CSRP3: variants seen among roughly 807,000 people sequenced by gnomAD.
CSRP3 encodes the protein cysteine and glycine rich protein 3.
CSRP3 carries 24 observed loss-of-function variants against 24.3 expected under a neutral mutation model. The observed-to-expected ratio is 0.99, with a 90% CI of 0.71 to 1.39. The LOEUF is 1.39. Among genes scored for constraint, CSRP3 ranks in the 40% most tolerant of loss-of-function variants. The pLI is 0.00. For synonymous variants in CSRP3, 105 were observed against 94.0 expected (o/e 1.12, Z -0.68); for missense variants, 240 against 249.0 (o/e 0.96, Z 0.24).
chr11:19,183,449 A>G (rs1164857416), intron 5 of CSRP3, among the ~76,000 whole-genome samples: 1 of 152,030 alleles, frequency 6.6e-6, no homozygotes, highest in Non-Finnish European at 1.5e-5. Flanking sequence ...TCTTCCTGGA[A>G]TGCCCCCTCC....
intron 4 of CSRP3, among the ~76,000 whole-genome samples, chr11:19,185,347 G>T (rs1380878928): frequency 6.6e-6 from 1 of 152,230 alleles, no homozygotes; most frequent in African/African-American, 2.4e-5. Context: ...GGTCAGAGAA[G>T]GACTTGGGCT....
chr11:19,183,048 C>T (rs1004291451), intron 5 of CSRP3, among the ~76,000 whole-genome samples: 6 of 151,990 alleles, frequency 3.9e-5, no homozygotes, highest in Admixed American at 6.6e-5. Flanking sequence ...ATCCCAGCTA[C>T]TGGGGAGGCT....
At chr11:19,197,501 C>CTT (rs1554968682) in intron 1 of CSRP3, among the ~76,000 whole-genome samples, 6 of 67,068 alleles carry the variant, frequency 8.9e-5, no homozygotes, top group African/African-American at 1.6e-4. Flanking sequence ...CCCTCTTTTC[C>CTT]TCTTTCTTTC....
At position 19,182,726 on chromosome 11, in the gene CSRP3, CA is replaced by C; in HGVS notation, c.528del (p.Phe176LeufsTer32). On this transcript the variant is annotated frameshift_variant, in exon 6 of 6. Transcript: ENST00000265968. LOFTEE classifies it high-confidence loss of function. Reference protein sequence around the residue: ...LYCKVCYAKNFGPTGIGFGGL... With the variant: ...LYCKVCYAKNXGPTGIGFGGL... The stretch of plus-strand genomic sequence containing the variant: ...CCTCCAAACCCAATACCCGTGGGGC[CA>C]AAATTTTTGGCATAGCAAACTGTGA... The C allele has an allele frequency of 6.2e-7, 1 of 1,614,010 alleles. No homozygotes were observed. The highest frequency in any genetic ancestry group is 8.5e-7 in the Non-Finnish European group (1 of 1,179,942).
At chr11:19,187,992 G>T (rs1315815791) in intron 3 of CSRP3, 144 bp downstream of exon 3, 3 of 941,068 alleles carry the variant, frequency 3.2e-6, no homozygotes, top group African/African-American at 3.2e-5. Context: ...GTTCAAACTT[G>T]GTCAGACTGA....
chr11:19,184,689 C>T (rs140533783), intron 5 of CSRP3, among the ~76,000 whole-genome samples: 3 of 152,320 alleles, frequency 2.0e-5, no homozygotes, highest in African/African-American at 7.2e-5. Flanking sequence ...CCTCTCTCCC[C>T]CAGGTGCCTA....
chr11:19,197,250 A>G (rs1355481811), intron 1 of CSRP3, among the ~76,000 whole-genome samples: 1 of 152,136 alleles, frequency 6.6e-6, no homozygotes, highest in Non-Finnish European at 1.5e-5. Flanking sequence ...GTTCTCCCAC[A>G]ATTTTAAGTT....
Position 19,188,276 on chromosome 11 carries a change from C to T in CSRP3, c.141G>A (p.Thr47=), listed in dbSNP as rs758842207. 14 of 1,612,602 alleles carry T rather than the reference C, an allele frequency of 8.7e-6. No individual in the cohort carries two copies. The highest frequency in any genetic ancestry group is 5.5e-5 in the South Asian group (5 of 90,996). The change falls in exon 3 of 6, where the codon ACG becomes ACA. Residue 47 remains threonine (T), a synonymous_variant. Coordinates refer to ENST00000265968, the MANE Select transcript of CSRP3 (RefSeq NM_003476.5). ...CMACRKALDS[T]TVAAHESEIY... ...TCTCCGACTCATGAGCCGCGACTGT[C>T]GTGCTGTCAAGAGCCTTCCTGCAGG...
chr11:19,182,574 C>T lies in CSRP3; in HGVS notation c.*96G>A. On this transcript the variant is annotated 3_prime_UTR_variant, in exon 6 of 6. Coordinates refer to ENST00000265968, the MANE Select transcript of CSRP3 (RefSeq NM_003476.5). ...AGGAGAAACACATAATGTACGACTA[C>T]AAAGGAGAGGCTATTTGGGGAAAGG... 2 of 1,036,092 alleles carry T rather than the reference C, an allele frequency of 1.9e-6. No homozygotes were observed. Among genetic ancestry groups the T allele is most frequent in the South Asian group, 1.3e-5 (1 of 79,450 alleles). 64.2% of individuals were successfully genotyped at this position (1,036,092 alleles called of 1,614,324 possible).
At position 19,185,025 on chromosome 11, in the gene CSRP3, G is replaced by A. The variant is rs773848388; in HGVS notation, c.435C>T (p.Phe145=). Residue 145 remains phenylalanine (F), a synonymous_variant, in exon 5 of 6, where the codon TTC becomes TTT. Transcript: ENST00000265968. The part of the protein sequence containing the change: ...GGGKPWHKTC[F]RCAICGKSLE... ...GACTCTTCCCACAGATGGCACAGCG[G>A]AAACAGGTCTTGTGCCAAGGCTGAG... is the stretch of plus-strand genomic sequence containing the variant. 2 of 1,614,198 alleles carry A rather than the reference G, an allele frequency of 1.2e-6. No homozygotes were observed. The highest frequency in any genetic ancestry group is 1.7e-6 in the Non-Finnish European group (2 of 1,179,972).
At chr11:19,194,275 T>A (rs1196929335) in intron 1 of CSRP3, among the ~76,000 whole-genome samples, 1 of 152,190 alleles carries the variant, frequency 6.6e-6, no homozygotes, top group Non-Finnish European at 1.5e-5. Flanking sequence ...CCCAAAGAGC[T>A]TTTCCTGCTT....
intron 1 of CSRP3, among the ~76,000 whole-genome samples, chr11:19,197,564 T>C (rs919200958): frequency 1.5e-5 from 2 of 136,418 alleles, no homozygotes; most frequent in Non-Finnish European, 3.1e-5. Flanking sequence ...TCTTTCTTTC[T>C]TTCTTTCTTT....
chr11:19,187,817 C>T (rs527856427), intron 3 of CSRP3, among the ~76,000 whole-genome samples: 8 of 152,258 alleles, frequency 5.3e-5, no homozygotes, highest in African/African-American at 1.4e-4. Context: ...AAACTCTCAA[C>T]GGGGAAGAAA....
chr11:19,187,758 C>A (rs936320329), intron 3 of CSRP3, among the ~76,000 whole-genome samples: 9 of 152,188 alleles, frequency 5.9e-5, no homozygotes, highest in Admixed American at 4.6e-4. Flanking sequence ...ATGACAGGCA[C>A]ACAAAGAATG....
At chr11:19,186,132 G>C in intron 4 of CSRP3, 84 bp downstream of exon 4, 1 of 1,565,250 alleles carries the variant, frequency 6.4e-7, no homozygotes, top group East Asian at 2.2e-5. Context: ...ACAGCTGCTT[G>C]CAGCTCCCAA....
chr11:19,188,044 C>T lies in CSRP3; in HGVS notation c.281+92G>A. Reference sequence around the variant, plus strand: ...CAAGTCAACAATAGAGTCCATTCTCCCACTTCCAGAAAACGTTGCTATGGG... The same window carrying T: ...CAAGTCAACAATAGAGTCCATTCTCTCACTTCCAGAAAACGTTGCTATGGG... On this transcript the variant is annotated intron_variant, in intron 3 of 5. Coordinates refer to ENST00000265968, the MANE Select transcript of CSRP3 (RefSeq NM_003476.5). 3 of 1,481,210 alleles carry T rather than the reference C, an allele frequency of 2.0e-6. No individual in the cohort carries two copies. The East Asian group carries it at 6.8e-5, about 33-fold the overall frequency. 91.8% of individuals were successfully genotyped at this position (1,481,210 alleles called of 1,614,324 possible). A position where few individuals can be genotyped will look rare whatever the true frequency, so the allele number is the denominator to read the frequency against.
At chr11:19,200,461 TCTTCCTCC>T (rs1444283219) in intron 1 of CSRP3, among the ~76,000 whole-genome samples, 1 of 152,136 alleles carries the variant, frequency 6.6e-6, no homozygotes, top group Non-Finnish European at 1.5e-5. Context: ...TTCATTCCTC[TCTTCCTCC>T]CTTCCTCCCT....
At chr11:19,195,952 A>G (rs542828974) in intron 1 of CSRP3, among the ~76,000 whole-genome samples, 3 of 152,322 alleles carry the variant, frequency 2.0e-5, no homozygotes, top group Admixed American at 6.5e-5. Context: ...TCACAGGCCA[A>G]AAGGTAGAGG....
intron 1 of CSRP3, among the ~76,000 whole-genome samples, chr11:19,197,558 T>TCTTTCTTTCTTC (rs1491313844): frequency 1.1e-4 from 16 of 141,492 alleles, no homozygotes; most frequent in African/African-American, 4.5e-4. Context: ...TTTCTTTCTT[T>TCTTTCTTTCTTC]CTTTCTTTCT....
Sources: allele counts gnomAD v4.1 joint callset (sites outside exome capture counted in the v4.1 genomes callset), GRCh38; gene constraint gnomAD v4.1.1; transcripts MANE v1.5; gene names NCBI Gene and HGNC (gene_info 2026-07-23, HGNC 2026-07-21).